The following NAALADL2 variants were observed in gnomAD, a reference collection of about 807,000 sequenced individuals.
The protein encoded by NAALADL2 is inactive N-acetylated-alpha-linked acidic dipeptidase-like protein 2.
A neutral mutation model predicts 87.2 loss-of-function variants in NAALADL2; 76 were observed. That is an observed-to-expected ratio of 0.87 (90% CI 0.72 to 1.05). The LOEUF (loss-of-function observed/expected upper bound fraction) is 1.05, where lower values mean the gene tolerates loss of function less well. Among genes scored for constraint, NAALADL2 ranks in the 50% least tolerant of loss-of-function variants. The pLI is 0.00. For missense variants in NAALADL2, 1,089 were observed against 945.8 expected (o/e 1.15, Z -1.99); for synonymous variants, 354 against 331.0 (o/e 1.07, Z -0.75).
chr3:174,478,324 A>G (rs950406648), intron 1 of NAALADL2, among the ~76,000 whole-genome samples: 3 of 152,124 alleles, frequency 2.0e-5, no homozygotes, highest in Non-Finnish European at 4.4e-5. Flanking sequence ...GCCTCTAACA[A>G]TGTTTCTGAG....
intron 5 of NAALADL2, among the ~76,000 whole-genome samples, chr3:175,402,659 C>A (rs1711536801): frequency 6.6e-6 from 1 of 151,968 alleles, no homozygotes; most frequent in Non-Finnish European, 1.5e-5. Flanking sequence ...AGAGCCTTTC[C>A]AACGTGCCAT....
At chr3:174,636,015 C>A (rs914724244) in intron 2 of NAALADL2, among the ~76,000 whole-genome samples, 4 of 152,036 alleles carry the variant, frequency 2.6e-5, no homozygotes, top group African/African-American at 4.8e-5. Flanking sequence ...CATATCATGA[C>A]TCAAAAATAG....
chr3:175,169,443 G>C (rs959848107), intron 2 of NAALADL2, among the ~76,000 whole-genome samples: 1 of 141,318 alleles, frequency 7.1e-6, no homozygotes, highest in Non-Finnish European at 1.6e-5. Flanking sequence ...ATAACTAAGA[G>C]GGTAGTTGTA....
At chr3:174,975,069 G>A (rs182844951) in intron 1 of NAALADL2, among the ~76,000 whole-genome samples, 32 of 152,198 alleles carry the variant, frequency 2.1e-4, no homozygotes, top group African/African-American at 6.7e-4. Flanking sequence ...CAGAGCTGAT[G>A]CACTAGCATC....
intron 10 of NAALADL2, among the ~76,000 whole-genome samples, chr3:175,582,049 GA>G (rs1719860071): frequency 2.0e-5 from 3 of 152,228 alleles, no homozygotes; most frequent in Admixed American, 2.0e-4. Flanking sequence ...CATTTCTTTA[GA>G]AGAGAAGGTT....
At chr3:175,791,698 C>T (rs1752795287) in intron 13 of NAALADL2, among the ~76,000 whole-genome samples, 1 of 151,986 alleles carries the variant, frequency 6.6e-6, no homozygotes, top group Non-Finnish European at 1.5e-5. Context: ...TTGGTTACTG[C>T]TTCATTCTCA....
At chr3:175,299,200 C>T (rs894450331) in intron 4 of NAALADL2, among the ~76,000 whole-genome samples, 3 of 152,022 alleles carry the variant, frequency 2.0e-5, no homozygotes, top group African/African-American at 2.4e-5. Flanking sequence ...AGTCAGGTAG[C>T]GTGATGCCTC....
chr3:174,764,570 A>C (rs983075069), intron 3 of NAALADL2, among the ~76,000 whole-genome samples: 1 of 152,248 alleles, frequency 6.6e-6, no homozygotes, highest in African/African-American at 2.4e-5. Flanking sequence ...AGATTGTGCC[A>C]TTGCACTTCA....
intron 1 of NAALADL2, among the ~76,000 whole-genome samples, chr3:175,041,838 T>C (rs1205257029): frequency 6.6e-6 from 1 of 152,154 alleles, no homozygotes; most frequent in Non-Finnish European, 1.5e-5. Flanking sequence ...AGGTACAATG[T>C]ATATTTTAAT....
chr3:175,124,778 TTTCA>T (rs1726685468), intron 2 of NAALADL2: 1 of 152,014 alleles, frequency 6.6e-6, no homozygotes, highest in African/African-American at 2.4e-5. Flanking sequence ...AATATGGGTG[TTTCA>T]AGAAAGAAAG....
intron 5 of NAALADL2, among the ~76,000 whole-genome samples, chr3:175,380,817 A>C (rs1053119729): frequency 3.3e-5 from 5 of 152,220 alleles, no homozygotes; most frequent in African/African-American, 9.6e-5. Flanking sequence ...CATTTTACAG[A>C]GTATACGAAC....
intron 1 of NAALADL2, among the ~76,000 whole-genome samples, chr3:175,020,484 C>T (rs1751431202): frequency 6.6e-6 from 1 of 151,988 alleles, no homozygotes; most frequent in African/African-American, 2.4e-5. Flanking sequence ...TGTTCCTTTT[C>T]CTTATGAACC....
chr3:174,883,763 T>C (rs752077036), intron 1 of NAALADL2, among the ~76,000 whole-genome samples: 8 of 152,088 alleles, frequency 5.3e-5, no homozygotes, highest in Non-Finnish European at 1.2e-4. Flanking sequence ...CAGGTTGTGG[T>C]TTTTCTCCTG....
At chr3:175,234,481 T>G (rs563936454) in intron 3 of NAALADL2, among the ~76,000 whole-genome samples, 1 of 152,334 alleles carries the variant, frequency 6.6e-6, no homozygotes, top group Admixed American at 6.5e-5. Context: ...AGTGCAAGTC[T>G]ATTTCATTCT....
chr3:174,916,085 AAGG>A (rs1321734768), intron 1 of NAALADL2, among the ~76,000 whole-genome samples: 1 of 152,156 alleles, frequency 6.6e-6, no homozygotes, highest in Admixed American at 6.6e-5. Flanking sequence ...TTCTTAAAAG[AAGG>A]TATACAAACA....
chr3:174,877,896 T>C (rs1728704296), intron 1 of NAALADL2, among the ~76,000 whole-genome samples: 1 of 152,078 alleles, frequency 6.6e-6, no homozygotes, highest in African/African-American at 2.4e-5. Flanking sequence ...CAAACAATTA[T>C]AGCCCAGCAT....
At chr3:174,779,325 G>GT (rs752884311) in intron 3 of NAALADL2, among the ~76,000 whole-genome samples, 3 of 151,430 alleles carry the variant, frequency 2.0e-5, no homozygotes, top group East Asian at 1.9e-4. Flanking sequence ...TGATGGGGTT[G>GT]TTTTTTTCTT....
At chr3:175,104,295 C>T (rs1722728057) in intron 2 of NAALADL2, among the ~76,000 whole-genome samples, 1 of 152,058 alleles carries the variant, frequency 6.6e-6, no homozygotes, top group Non-Finnish European at 1.5e-5. Context: ...CTGTGGAATC[C>T]ATGAAGAACC....
intron 1 of NAALADL2, among the ~76,000 whole-genome samples, chr3:174,947,961 A>C (rs189044376): frequency 6.6e-6 from 1 of 152,250 alleles, no homozygotes; most frequent in Admixed American, 6.5e-5. Flanking sequence ...ATGTAAATAT[A>C]GTTATGAACT....
Sources: allele counts gnomAD v4.1 joint callset (sites outside exome capture counted in the v4.1 genomes callset), GRCh38; gene constraint gnomAD v4.1.1; transcripts MANE v1.5; gene names NCBI Gene and HGNC (gene_info 2026-07-23, HGNC 2026-07-21).